Variants in RNF217 observed in about 807,000 individuals in gnomAD.
The protein encoded by RNF217 is E3 ubiquitin-protein ligase RNF217.
In RNF217, 31 loss-of-function variants were observed where a neutral mutation model predicts 57.8. That is an observed-to-expected ratio of 0.54 (90% CI 0.40 to 0.72). RNF217 has a LOEUF of 0.72. Ranked by LOEUF, RNF217 falls within the 30% of genes least tolerant of loss-of-function variation. RNF217 has a pLI of 0.00. For synonymous variants in RNF217, 313 were observed against 294.0 expected (o/e 1.06, Z -0.66); for missense variants, 696 against 708.3 (o/e 0.98, Z 0.20).
At chr6:125,000,532 T>TAAGGATTGAAA (rs1301237034) in intron 1 of RNF217, among the ~76,000 whole-genome samples, 8 of 152,056 alleles carry the variant, frequency 5.3e-5, no homozygotes, top group African/African-American at 1.9e-4. Flanking sequence ...TGAAAACAAC[T>TAAGGATTGAAA]ACTGATTCAT....
intron 1 of RNF217, among the ~76,000 whole-genome samples, chr6:125,037,228 CT>C (rs1482427504): frequency 6.6e-6 from 1 of 152,082 alleles, no homozygotes; most frequent in African/African-American, 2.4e-5. Flanking sequence ...AGTCTTATTT[CT>C]GGCAGAAAAA....
intron 3 of RNF217, among the ~76,000 whole-genome samples, chr6:125,063,358 T>C (rs1433292342): frequency 1.3e-5 from 2 of 152,202 alleles, no homozygotes; most frequent in African/African-American, 4.8e-5. Context: ...GGTCAACATA[T>C]TCATTATTTC....
intron 1 of RNF217, among the ~76,000 whole-genome samples, chr6:124,993,023 G>A (rs917940909): frequency 6.6e-6 from 1 of 152,014 alleles, no homozygotes; most frequent in Non-Finnish European, 1.5e-5. Context: ...CAGTGCTCTT[G>A]CCTATAGTAG....
At chr6:124,983,654 A>G (rs1784257608) in intron 1 of RNF217, 1 of 233,454 alleles carries the variant, frequency 4.3e-6, no homozygotes, top group South Asian at 1.6e-4. Context: ...ATAATTTCCT[A>G]TGGTGCTTTG....
chr6:124,969,610 A>G (rs1783685847), intron 1 of RNF217, among the ~76,000 whole-genome samples: 1 of 152,192 alleles, frequency 6.6e-6, no homozygotes, highest in African/African-American at 2.4e-5. Context: ...ACATTCTTAC[A>G]TGTATTTTTA....
chr6:125,027,433 T>G (rs1013625778), intron 1 of RNF217, among the ~76,000 whole-genome samples: 1 of 152,214 alleles, frequency 6.6e-6, no homozygotes, highest in African/African-American at 2.4e-5. Context: ...CTGGCTTATT[T>G]CACCTAACAG....
At chr6:125,050,792 G>A (rs1008248927) in intron 2 of RNF217, among the ~76,000 whole-genome samples, 8 of 151,154 alleles carry the variant, frequency 5.3e-5, no homozygotes, top group African/African-American at 1.5e-4. Flanking sequence ...GCAAGGTTAG[G>A]GTAGCTTACA....
At chr6:124,998,349 T>C (rs1206782924) in intron 1 of RNF217, among the ~76,000 whole-genome samples, 1 of 152,232 alleles carries the variant, frequency 6.6e-6, no homozygotes, top group Non-Finnish European at 1.5e-5. Context: ...CTGTGGGATA[T>C]GGACAAGGGG....
In RNF217 at chr6:125,058,116, C is replaced by A; in HGVS notation, c.1281+10C>A. On this transcript the variant is annotated intron_variant, in intron 3 of 5. Coordinates refer to ENST00000521654, the MANE Select transcript of RNF217 (RefSeq NM_001286398.3). Reference sequence around the variant, plus strand: ...GTGTCCAAAGTGCAAGGTGAGATAACTTTTAGGAGGAAAAGAAAAAACATG... The same window carrying A: ...GTGTCCAAAGTGCAAGGTGAGATAAATTTTAGGAGGAAAAGAAAAAACATG... 2.5e-6 allele frequency: 4 copies of A among 1,599,616 alleles called. No individual in the cohort carries two copies. The highest frequency in any genetic ancestry group is 3.4e-6 in the Non-Finnish European group (4 of 1,173,288).
chr6:125,052,306 GT>G (rs1340617295), intron 2 of RNF217, among the ~76,000 whole-genome samples: 1,597 of 149,588 alleles, frequency 0.011, 34 homozygotes, highest in African/African-American at 0.038. Flanking sequence ...GTGTGTGTGT[GT>G]GTGTGTGTGT....
chr6:125,013,940 C>G (rs959431879), intron 1 of RNF217, among the ~76,000 whole-genome samples: 8 of 152,094 alleles, frequency 5.3e-5, no homozygotes, highest in Admixed American at 5.2e-4. Flanking sequence ...AACATAATGC[C>G]CCGCTGACTA....
chr6:125,079,873 T>C (rs1336101200), intron 4 of RNF217, among the ~76,000 whole-genome samples: 1 of 152,076 alleles, frequency 6.6e-6, no homozygotes, highest in African/African-American at 2.4e-5. Context: ...TTTAGAGCAA[T>C]GTTACTAACC....
chr6:125,081,656 A>T (rs1053234452), intron 5 of RNF217, 149 bp downstream of exon 5: 1 of 658,518 alleles, frequency 1.5e-6, no homozygotes, highest in African/African-American at 1.8e-5. Flanking sequence ...ATATCATTTA[A>T]AAGGTCAGAG....
chr6:125,037,510 T>A (rs533919324), intron 1 of RNF217, among the ~76,000 whole-genome samples: 1 of 152,170 alleles, frequency 6.6e-6, no homozygotes, highest in Non-Finnish European at 1.5e-5. Context: ...TTTGGCTTGA[T>A]TTTTTAAATC....
chr6:125,044,593 T>C (rs925976724), intron 1 of RNF217, among the ~76,000 whole-genome samples: 1 of 152,110 alleles, frequency 6.6e-6, no homozygotes, highest in African/African-American at 2.4e-5. Context: ...TTGTTGTAAC[T>C]GGTTTCATTT....
At position 125,061,521 on chromosome 6, in the gene RNF217, A is replaced by G. The variant is rs112116062; in HGVS notation, c.1281+3415A>G. ...AGATTGGGGCATATTTTTATTATCA[A>G]ATTTTATGAGCTCTTTATTTAGATA... On this transcript the variant is annotated intron_variant, in intron 3 of 5. Transcript: ENST00000521654. 5.2e-3 allele frequency among the ~76,000 whole-genome samples: 782 copies of G among 151,718 alleles called. 4 individuals carry two copies. The highest frequency in any genetic ancestry group is 0.017 in the Middle Eastern group (5 of 294).
chr6:124,979,199 C>T (rs1355796252), intron 1 of RNF217, among the ~76,000 whole-genome samples: 1 of 152,136 alleles, frequency 6.6e-6, no homozygotes, highest in South Asian at 2.1e-4. Context: ...TTGTCTGTCT[C>T]TTGTTATTAT....
chr6:125,037,521 A>G (rs941730475), intron 1 of RNF217, among the ~76,000 whole-genome samples: 4 of 152,152 alleles, frequency 2.6e-5, no homozygotes, highest in African/African-American at 9.7e-5. Flanking sequence ...TTTTTAAATC[A>G]TTTTTAGAAA....
intron 1 of RNF217, among the ~76,000 whole-genome samples, chr6:125,010,292 G>A (rs542302773): frequency 5.0e-4 from 76 of 152,080 alleles, no homozygotes; most frequent in African/African-American, 1.8e-3. Context: ...CCATGTTTTT[G>A]TCTATTTTAT....
Sources: allele counts gnomAD v4.1 joint callset (sites outside exome capture counted in the v4.1 genomes callset), GRCh38; gene constraint gnomAD v4.1.1; transcripts MANE v1.5; gene names NCBI Gene and HGNC (gene_info 2026-07-23, HGNC 2026-07-21).